The following CTIF variants were observed in gnomAD, a reference collection of about 807,000 sequenced individuals.
The protein encoded by CTIF is CBP80/20-dependent translation initiation factor.
A neutral mutation model predicts 66.0 loss-of-function variants in CTIF; 21 were observed. The observed-to-expected ratio is 0.32, with a 90% CI of 0.23 to 0.46. The LOEUF (loss-of-function observed/expected upper bound fraction) is 0.46. Ranked by LOEUF, CTIF falls within the 20% of genes least tolerant of loss-of-function variation. The pLI is 1.00. For synonymous variants in CTIF, 345 were observed against 326.4 expected (o/e 1.06, Z -0.62); for missense variants, 739 against 812.7 (o/e 0.91, Z 1.10).
At chr18:48,634,686 C>G (rs190066186) in intron 2 of CTIF, among the ~76,000 whole-genome samples, 46 of 152,320 alleles carry the variant, frequency 3.0e-4, no homozygotes, top group Admixed American at 2.3e-3. Context: ...CAGAAGCCAG[C>G]TGACGTGGGA....
At chr18:48,698,882 G>A (rs1386503105) in intron 6 of CTIF, among the ~76,000 whole-genome samples, 1 of 152,136 alleles carries the variant, frequency 6.6e-6, no homozygotes, top group Non-Finnish European at 1.5e-5. Context: ...TCCTCTCTGT[G>A]GCCTAGGTCA....
At chr18:48,670,135 C>T (rs2144993919) in intron 5 of CTIF, among the ~76,000 whole-genome samples, 1 of 152,116 alleles carries the variant, frequency 6.6e-6, no homozygotes, top group East Asian at 1.9e-4. Context: ...AGACCTCTGG[C>T]CAGGGAGTTG....
intron 5 of CTIF, among the ~76,000 whole-genome samples, chr18:48,669,829 A>ATATATATATG (rs2091498802): frequency 8.1e-6 from 1 of 123,214 alleles, no homozygotes; most frequent in Non-Finnish European, 1.7e-5. Context: ...ATATATATAT[A>ATATATATATG]TATATATATA....
chr18:48,758,543 G>A (rs1169766873), intron 8 of CTIF, 138 bp downstream of exon 8: 14 of 1,080,460 alleles, frequency 1.3e-5, no homozygotes, highest in South Asian at 6.3e-5. Flanking sequence ...CAGGGGCTTC[G>A]GTCACTGTGG....
chr18:48,580,005 C>CTCCA (rs1273752911), intron 1 of CTIF, among the ~76,000 whole-genome samples: 5 of 152,220 alleles, frequency 3.3e-5, no homozygotes, highest in East Asian at 1.9e-4. Flanking sequence ...TCAAGTGGTA[C>CTCCA]TCCATCCATC....
intron 10 of CTIF, among the ~76,000 whole-genome samples, chr18:48,851,087 A>AG (rs1278863966): frequency 3.3e-5 from 5 of 152,198 alleles, no homozygotes; most frequent in Admixed American, 6.5e-5. Flanking sequence ...TAAGGTTGGA[A>AG]GGGGGGGCTC....
chr18:48,694,424 CTG>C (rs908869900), intron 6 of CTIF, among the ~76,000 whole-genome samples: 1 of 152,206 alleles, frequency 6.6e-6, no homozygotes, highest in Non-Finnish European at 1.5e-5. Context: ...CGCCTAAAGA[CTG>C]AGCTTCAATA....
intron 10 of CTIF, among the ~76,000 whole-genome samples, chr18:48,838,185 C>G (rs1409985029): frequency 2.0e-5 from 3 of 152,182 alleles, no homozygotes; most frequent in Non-Finnish European, 4.4e-5. Flanking sequence ...GAAATGACAG[C>G]AACAAAGCAC....
chr18:48,676,771 C>T (rs1018486360), intron 6 of CTIF, among the ~76,000 whole-genome samples: 30 of 151,878 alleles, frequency 2.0e-4, no homozygotes, highest in Non-Finnish European at 2.8e-4. Context: ...AGGGACAGTT[C>T]CTTCCTCGTT....
intron 9 of CTIF, among the ~76,000 whole-genome samples, chr18:48,779,736 G>A (rs1911032979): frequency 6.6e-6 from 1 of 152,256 alleles, no homozygotes; most frequent in Admixed American, 6.5e-5. Context: ...CAGACAGACA[G>A]AAGAATGGTT....
rs142590920 is a variant in CTIF at position 48,672,490 on chromosome 18, T to A, written c.507+1746T>A. Among the ~76,000 whole-genome samples, 532 of 152,258 alleles carry A rather than the reference T, an allele frequency of 3.5e-3. 6 individuals carry two copies. The highest frequency in any genetic ancestry group is 0.012 in the African/African-American group (514 of 41,544). On this transcript the variant is annotated intron_variant, in intron 6 of 11. Transcript: ENST00000256413. ...AGATTCACCTAGGAGATATTGTGCATCCAGCTGAAGGCCCCCAAATGGGAG... is the reference window on the plus strand; with the variant it reads ...AGATTCACCTAGGAGATATTGTGCAACCAGCTGAAGGCCCCCAAATGGGAG...
intron 6 of CTIF, among the ~76,000 whole-genome samples, chr18:48,675,709 C>A (rs1343136787): frequency 6.6e-6 from 1 of 152,124 alleles, no homozygotes; most frequent in Admixed American, 6.5e-5. Context: ...AGAGGGCCCG[C>A]CCCTCCCTGG....
chr18:48,758,517 G>A (rs776090757), intron 8 of CTIF, 112 bp downstream of exon 8: 98 of 1,345,058 alleles, frequency 7.3e-5, no homozygotes, highest in South Asian at 1.1e-4. Flanking sequence ...GGTCTAGGGA[G>A]CCATGTACAG....
At chr18:48,633,598 A>G (rs1334734430) in intron 2 of CTIF, among the ~76,000 whole-genome samples, 2 of 151,966 alleles carry the variant, frequency 1.3e-5, no homozygotes, top group African/African-American at 4.8e-5. Context: ...GCTACTCAGG[A>G]GGCTGAGGCA....
intron 9 of CTIF, among the ~76,000 whole-genome samples, chr18:48,773,227 G>A (rs1246520473): frequency 1.3e-5 from 2 of 152,206 alleles, no homozygotes; most frequent in Non-Finnish European, 1.5e-5. Flanking sequence ...CTTGAGGCCT[G>A]GAGAGGTTGA....
chr18:48,563,159 G>A (rs1339824341), intron 1 of CTIF, among the ~76,000 whole-genome samples: 1 of 152,110 alleles, frequency 6.6e-6, no homozygotes, highest in Non-Finnish European at 1.5e-5. Context: ...TGACTTGATT[G>A]GCCCCTCCTC....
intron 6 of CTIF, among the ~76,000 whole-genome samples, chr18:48,703,877 A>C (rs2092116882): frequency 6.6e-6 from 1 of 152,160 alleles, no homozygotes; most frequent in Non-Finnish European, 1.5e-5. Context: ...GCCTGCCAAA[A>C]GGGCTGTGGC....
intron 7 of CTIF, among the ~76,000 whole-genome samples, chr18:48,741,210 A>G (rs1272026546): frequency 6.6e-6 from 1 of 152,030 alleles, no homozygotes; most frequent in Non-Finnish European, 1.5e-5. Flanking sequence ...TCACACAGCT[A>G]ACAGCCACAG....
At chr18:48,827,846 C>G (rs2068614458) in intron 10 of CTIF, among the ~76,000 whole-genome samples, 2 of 152,192 alleles carry the variant, frequency 1.3e-5, no homozygotes, top group African/African-American at 4.8e-5. Flanking sequence ...CTCTTCCGCT[C>G]AGCACACACA....
Sources: gnomAD v4.1 joint callset for allele counts (sites outside exome capture counted in the v4.1 genomes callset) on GRCh38, gnomAD v4.1.1 for gene constraint, MANE v1.5 for transcripts, NCBI Gene and HGNC (gene_info 2026-07-23, HGNC 2026-07-21) for gene names.